The following CSMD1 variants were observed in gnomAD, a reference collection of about 807,000 sequenced individuals.
The protein encoded by CSMD1 is CUB and Sushi multiple domains 1, also known as CUB and sushi domain-containing protein 1.
CSMD1 carries 213 observed loss-of-function variants against 417.5 expected under a neutral mutation model. The observed-to-expected ratio is 0.51, with a 90% CI of 0.46 to 0.57. The LOEUF (loss-of-function observed/expected upper bound fraction) is 0.57, where lower values mean the gene tolerates loss of function less well. CSMD1 is among the 20% of genes least tolerant of loss of function. The probability of loss-of-function intolerance (pLI) is 0.00; values close to 1 mark genes in which losing one functional copy is unlikely to be tolerated. For synonymous variants in CSMD1, 2,862 were observed against 1,736.8 expected, an observed-to-expected ratio of 1.65 and a Z score of -16.11; for missense variants, 6,923 against 4,529.7, an observed-to-expected ratio of 1.53 and a Z score of -15.17.
intron 8 of CSMD1, among the ~76,000 whole-genome samples, chr8:3,614,554 C>G (rs1017922002): frequency 1.3e-5 from 2 of 152,168 alleles, no homozygotes; most frequent in African/African-American, 4.8e-5. Context: ...ACTTTTAAAG[C>G]TTAAGCATTT....
chr8:3,997,941 A>T lies in CSMD1; in HGVS notation c.780T>A (p.Asp260Glu), dbSNP rs1280211866. The T allele has an allele frequency of 1.2e-6, 2 of 1,612,322 alleles. No homozygotes were observed. Among genetic ancestry groups the T allele is most frequent in the Admixed American group, 1.7e-5 (1 of 59,852 alleles). The change falls in exon 5 of 70, where the codon GAT (aspartate) becomes GAA (glutamate). Residue 260 changes from aspartate (D) to glutamate (E), a missense_variant. Asp to Glu is a conservative substitution (Grantham distance 45, BLOSUM62 2). Transcript: ENST00000635120. ...CTTCCGTGCCACTGATCTCTAAGAA[A>T]TCATATCCTTCTTCTAGCTGAAAGT... ...FTDFQLEEGY[D>E]FLEISGTEAP...
intron 3 of CSMD1, among the ~76,000 whole-genome samples, chr8:4,149,504 G>A (rs546843693): frequency 1.3e-5 from 2 of 152,232 alleles, no homozygotes; most frequent in South Asian, 4.2e-4. Context: ...AATCTTGACT[G>A]TAAATACTCA....
chr8:3,762,164 C>A (rs1798044619), intron 5 of CSMD1, among the ~76,000 whole-genome samples: 1 of 152,168 alleles, frequency 6.6e-6, no homozygotes, highest in African/African-American at 2.4e-5. Context: ...CCCCTGCTTT[C>A]TACACCCAGA....
chr8:4,075,313 A>G (rs1799764750), intron 3 of CSMD1, among the ~76,000 whole-genome samples: 1 of 152,220 alleles, frequency 6.6e-6, no homozygotes, highest in Non-Finnish European at 1.5e-5. Context: ...ATAAAAACAT[A>G]AATACCTTCA....
At chr8:3,438,399 C>A (rs567448296) in intron 12 of CSMD1, among the ~76,000 whole-genome samples, 23 of 152,110 alleles carry the variant, frequency 1.5e-4, no homozygotes, top group Non-Finnish European at 2.8e-4. Context: ...CTCCCGTTGA[C>A]CCTTGATAGC....
intron 26 of CSMD1, among the ~76,000 whole-genome samples, chr8:3,248,523 C>CCTT (rs1800035649): frequency 1.2e-5 from 1 of 85,946 alleles, no homozygotes; most frequent in Non-Finnish European, 2.2e-5. Context: ...AATTCCCTCC[C>CCTT]TTTTTTTTTT....
chr8:3,708,108 G>T (rs190106869), intron 7 of CSMD1, among the ~76,000 whole-genome samples: 1 of 152,198 alleles, frequency 6.6e-6, no homozygotes, highest in Non-Finnish European at 1.5e-5. Flanking sequence ...CAAGGACGGA[G>T]AGAGACTGGT....
At chr8:3,818,919 C>T (rs1801554819) in intron 5 of CSMD1, among the ~76,000 whole-genome samples, 1 of 152,190 alleles carries the variant, frequency 6.6e-6, no homozygotes, top group East Asian at 1.9e-4. Context: ...CACATGCCCA[C>T]ACTCACTCAC....
At position 3,029,467 on chromosome 8, in the gene CSMD1, G is replaced by A; in HGVS notation, c.7707C>T (p.Ile2569=). Residue 2569 remains isoleucine (I), a synonymous_variant, in exon 51 of 70, where the codon ATC becomes ATT. Transcript: ENST00000635120. ...TCAAGGATCCTGAAACCAGCCTCCA[G>A]ATGACATGTTCTGAGAGCTGAGCTT... is the stretch of plus-strand genomic sequence containing the variant. The part of the protein sequence containing the change: ...SIEAQLSEHV[I]WRLVSGSLNE... The A allele has an allele frequency of 2.5e-6, 4 of 1,607,052 alleles. No homozygotes were observed. Among genetic ancestry groups the A allele is most frequent in the Non-Finnish European group, 3.4e-6 (4 of 1,176,870 alleles).
chr8:4,704,145 T>C (rs1260614390), intron 1 of CSMD1, among the ~76,000 whole-genome samples: 2 of 152,210 alleles, frequency 1.3e-5, no homozygotes, highest in African/African-American at 2.4e-5. Context: ...ACCCGTGATC[T>C]AGCTAAATAC....
chr8:4,407,280 A>G (rs1192252132), intron 3 of CSMD1, among the ~76,000 whole-genome samples: 1 of 152,220 alleles, frequency 6.6e-6, no homozygotes, highest in Non-Finnish European at 1.5e-5. Flanking sequence ...TTTTGGAGTA[A>G]TTTCATAGGA....
At chr8:3,740,342 A>G (rs769274260) in intron 6 of CSMD1, among the ~76,000 whole-genome samples, 2 of 152,182 alleles carry the variant, frequency 1.3e-5, no homozygotes, top group Non-Finnish European at 2.9e-5. Context: ...CTTAACTCAA[A>G]TGATCCGCCT....
At chr8:4,805,314 A>T (rs1563442389) in intron 1 of CSMD1, among the ~76,000 whole-genome samples, 2 of 152,242 alleles carry the variant, frequency 1.3e-5, no homozygotes, top group East Asian at 3.8e-4. Flanking sequence ...TTCATGTTAT[A>T]GAACACTTCA....
At chr8:3,231,303 C>A (rs1237575454) in intron 26 of CSMD1, among the ~76,000 whole-genome samples, 1 of 151,978 alleles carries the variant, frequency 6.6e-6, no homozygotes, top group African/African-American at 2.4e-5. Context: ...TAAGAGATGA[C>A]AATTAAAAGC....
intron 7 of CSMD1, among the ~76,000 whole-genome samples, chr8:3,685,954 C>G (rs1190546099): frequency 1.3e-5 from 2 of 152,012 alleles, no homozygotes; most frequent in African/African-American, 4.8e-5. Flanking sequence ...TTATTTTTTA[C>G]TATATTCACC....
chr8:3,804,589 A>T (rs77378045), intron 5 of CSMD1, among the ~76,000 whole-genome samples: 2,263 of 152,252 alleles, frequency 0.015, 57 homozygotes, highest in African/African-American at 0.051. Context: ...TCTTTTATGC[A>T]TATTTTGTAG....
At chr8:4,593,176 G>A (rs1186842816) in intron 2 of CSMD1, among the ~76,000 whole-genome samples, 1 of 152,184 alleles carries the variant, frequency 6.6e-6, no homozygotes, top group Non-Finnish European at 1.5e-5. Flanking sequence ...GGCAGTCACT[G>A]AAGTGCATAC....
chr8:4,054,376 G>C (rs987733142), intron 3 of CSMD1, among the ~76,000 whole-genome samples: 1 of 152,084 alleles, frequency 6.6e-6, no homozygotes, highest in Non-Finnish European at 1.5e-5. Flanking sequence ...ATCCCATATA[G>C]GGGATGGCCG....
rs542067518 is a variant in CSMD1 at position 3,201,269 on chromosome 8, T to G, written c.5098+343A>C. Among the ~76,000 whole-genome samples, 7 of 152,252 alleles carry G rather than the reference T, an allele frequency of 4.6e-5. No individual in the cohort carries two copies. In the East Asian group the frequency reaches 1.4e-3, roughly 29 times the overall value. ...ATGCTTTAGACCGAAATGTTAATCG[T>G]TTTTATCTCCAGAAGGAAGGTTAAG... On this transcript the variant is annotated intron_variant, in intron 32 of 69. Transcript: ENST00000635120.
Sources: allele counts gnomAD v4.1 joint callset (sites outside exome capture counted in the v4.1 genomes callset), GRCh38; gene constraint gnomAD v4.1.1; transcripts MANE v1.5; gene names NCBI Gene and HGNC (gene_info 2026-07-23, HGNC 2026-07-21).